Variants in STK3 observed in about 807,000 individuals in gnomAD.
STK3 encodes the protein serine/threonine kinase 3.
STK3 carries 41 observed loss-of-function variants against 58.0 expected under a neutral mutation model. The observed-to-expected ratio is 0.71, with a 90% CI of 0.55 to 0.92. The LOEUF is 0.92. STK3 is among the 40% of genes least tolerant of loss of function. STK3 has a pLI of 0.00. For synonymous variants in STK3, 170 were observed against 191.0 expected (o/e 0.89, Z 0.91); for missense variants, 479 against 602.7 (o/e 0.79, Z 2.15).
At chr8:98,565,591 T>G (rs1812409610) in intron 8 of STK3, among the ~76,000 whole-genome samples, 1 of 152,184 alleles carries the variant, frequency 6.6e-6, no homozygotes, top group Admixed American at 6.6e-5. Flanking sequence ...AATAGCATCA[T>G]TTATTCAATA....
At chr8:98,415,655 A>G (rs1351084507) in intron 3 of STK3, among the ~76,000 whole-genome samples, 1 of 152,222 alleles carries the variant, frequency 6.6e-6, no homozygotes, top group Non-Finnish European at 1.5e-5. Flanking sequence ...AAATGTGGGT[A>G]AATTTTAAAG....
At chr8:98,762,701 A>G (rs912778932) in intron 3 of STK3, among the ~76,000 whole-genome samples, 3 of 152,252 alleles carry the variant, frequency 2.0e-5, no homozygotes, top group African/African-American at 7.2e-5. Flanking sequence ...TTGTTTAGAT[A>G]TGAAAAGTTC....
chr8:98,867,617 C>T (rs978693926), intron 3 of STK3, among the ~76,000 whole-genome samples: 2 of 151,770 alleles, frequency 1.3e-5, no homozygotes, highest in African/African-American at 4.8e-5. Context: ...ACAATTTTGT[C>T]AGAAATGGAT....
intron 8 of STK3, among the ~76,000 whole-genome samples, chr8:98,571,287 C>T (rs551397843): frequency 8.5e-5 from 13 of 152,060 alleles, no homozygotes; most frequent in South Asian, 6.2e-4. Context: ...CCGGGGATCA[C>T]GCCACTGCAC....
intron 4 of STK3, among the ~76,000 whole-genome samples, chr8:98,727,288 T>C (rs550994238): frequency 3.3e-5 from 5 of 152,236 alleles, no homozygotes; most frequent in Non-Finnish European, 7.3e-5. Context: ...CCCAGGGAAC[T>C]GCTGGCAGAC....
At chr8:98,817,133 TCTAA>T (rs762973313) in intron 1 of STK3, among the ~76,000 whole-genome samples, 3 of 152,154 alleles carry the variant, frequency 2.0e-5, no homozygotes, top group Admixed American at 6.6e-5. Context: ...CATTCTCTAC[TCTAA>T]CTGAGTGAAA....
At position 98,510,173 on chromosome 8, in the gene STK3, GTAAAGAAGAATTAC is replaced by G. The variant is rs569597070; in HGVS notation, c.1317+16555_1317+16568del. On this transcript the variant is annotated intron_variant, in intron 10 of 10. Coordinates refer to ENST00000419617, the MANE Select transcript of STK3 (RefSeq NM_006281.4). ...TTATTCTAATACGTAATGGATTTCTGTAAAGAAGAATTACTAGAGACAATAGATGCCCCTTTTGT... is the reference window on the plus strand; with the variant it reads ...TTATTCTAATACGTAATGGATTTCTGTAGAGACAATAGATGCCCCTTTTGT... 7.9e-5 allele frequency among the ~76,000 whole-genome samples: 12 copies of G among 152,210 alleles called. No individual in the cohort carries two copies. The South Asian group carries it at 2.3e-3, about 29-fold the overall frequency.
intron 3 of STK3, among the ~76,000 whole-genome samples, chr8:98,857,016 G>GA: frequency 6.6e-6 from 1 of 152,230 alleles, no homozygotes; most frequent in Non-Finnish European, 1.5e-5. Flanking sequence ...AATCTATAAA[G>GA]AAAAAACCTG....
chr8:98,470,163 T>C (rs1820811142), intron 10 of STK3, among the ~76,000 whole-genome samples: 1 of 152,166 alleles, frequency 6.6e-6, no homozygotes, highest in African/African-American at 2.4e-5. Context: ...TTTTGAAAAA[T>C]ACCACATGCA....
the STK3 span, among the ~76,000 whole-genome samples, chr8:98,357,531 G>A: frequency 2.6e-5 from 4 of 152,178 alleles, no homozygotes; most frequent in Admixed American, 6.5e-5. Flanking sequence ...TGTAAGGCTG[G>A]CACTGGCACT....
rs145107725 is a variant in STK3, at chr8:98,702,258, TAATC to T, written c.684+4205_684+4208del. Reference sequence around the variant, plus strand: ...TTCTGCCCAGGAATGATAAAAGAAATAATCAATCTCTGACAAACTGATAAACTAA... The same window carrying T: ...TTCTGCCCAGGAATGATAAAAGAAATAATCTCTGACAAACTGATAAACTAA... On this transcript the variant is annotated intron_variant, in intron 6 of 10. Coordinates refer to ENST00000419617, the MANE Select transcript of STK3 (RefSeq NM_006281.4). Among the ~76,000 whole-genome samples the T allele has an allele frequency of 8.5e-5, 13 of 152,290 alleles. No homozygotes were observed. The East Asian group carries it at 2.5e-3, about 29-fold the overall frequency.
intron 10 of STK3, among the ~76,000 whole-genome samples, chr8:98,479,501 G>T (rs1447283421): frequency 5.5e-5 from 3 of 54,310 alleles, no homozygotes; most frequent in African/African-American, 1.7e-4. Flanking sequence ...GGGGGGGGGG[G>T]GCGGGAAAGG....
Position 98,585,743 on chromosome 8 carries a change from C to G in STK3, c.823-5954G>C, listed in dbSNP as rs1309934688. ...CTACCCATGAGCATGGAATGTTCTT[C>G]CATTTGTTTGTATCCTCTTCTATTT... On this transcript the variant is annotated intron_variant, in intron 7 of 10. Transcript: ENST00000419617. 3.9e-5 allele frequency among the ~76,000 whole-genome samples: 6 copies of G among 152,196 alleles called. No homozygotes were observed. In the East Asian group the frequency reaches 5.8e-4, roughly 15 times the overall value.
chr8:98,688,482 T>C (rs923054991), intron 6 of STK3, among the ~76,000 whole-genome samples: 7 of 152,116 alleles, frequency 4.6e-5, no homozygotes, highest in African/African-American at 7.2e-5. Context: ...TCTTCTCATA[T>C]GTACATAGAA....
rs1587036783 is a variant in STK3, at chr8:98,617,855, T to C, written c.685-21686A>G. 3.3e-5 allele frequency among the ~76,000 whole-genome samples: 5 copies of C among 152,202 alleles called. No homozygotes were observed. In the East Asian group the frequency reaches 5.8e-4, roughly 18 times the overall value. ...CAACGAAAAAGAGTCCAGGACCAGA[T>C]GGATTCACAGCCGAATTCTACCAGA... On this transcript the variant is annotated intron_variant, in intron 6 of 10. Coordinates refer to ENST00000419617, the MANE Select transcript of STK3 (RefSeq NM_006281.4).
chr8:98,842,550 C>T (rs773034313), intron 3 of STK3, among the ~76,000 whole-genome samples: 6 of 151,778 alleles, frequency 4.0e-5, no homozygotes, highest in East Asian at 1.9e-4. Context: ...TGGTGGCATG[C>T]GCCTGTAGTC....
intron 3 of STK3, among the ~76,000 whole-genome samples, chr8:98,831,956 A>G (rs1304435456): frequency 6.6e-6 from 1 of 152,180 alleles, no homozygotes; most frequent in African/African-American, 2.4e-5. Context: ...ACAAGTAACA[A>G]CTCAAAATGA....
downstream of STK3, among the ~76,000 whole-genome samples, chr8:98,451,367 C>T (rs1279385637): frequency 1.3e-5 from 2 of 151,964 alleles, no homozygotes; most frequent in Non-Finnish European, 2.9e-5. Flanking sequence ...AGTTTGTTGG[C>T]GGAAAGGGCT....
At chr8:98,440,427 C>A (rs1175001809) in intron 1 of STK3, among the ~76,000 whole-genome samples, 1 of 152,172 alleles carries the variant, frequency 6.6e-6, no homozygotes, top group Non-Finnish European at 1.5e-5. Flanking sequence ...CATTATTGTG[C>A]AACCATCACC....
Sources: gnomAD v4.1 joint callset for allele counts (sites outside exome capture counted in the v4.1 genomes callset) on GRCh38, gnomAD v4.1.1 for gene constraint, MANE v1.5 for transcripts, NCBI Gene and HGNC (gene_info 2026-07-23, HGNC 2026-07-21) for gene names.